The following BRCC3 variants were observed in gnomAD, a reference collection of about 807,000 sequenced individuals.
BRCC3 encodes the protein BRCA1/BRCA2-containing complex subunit 3.
Under a neutral mutation model 28.0 loss-of-function variants are expected in BRCC3, and 15 were observed. The ratio of observed to expected loss-of-function variants is 0.54; its 90% CI spans 0.36 to 0.82. BRCC3 has a LOEUF of 0.82. BRCC3 is among the 40% of genes least tolerant of loss of function. BRCC3 has a pLI of 0.01. For missense variants in BRCC3, 109 were observed against 225.9 expected, an observed-to-expected ratio of 0.48 and a Z score of 3.32; for synonymous variants, 66 against 80.3, an observed-to-expected ratio of 0.82 and a Z score of 0.95.
Position 155,072,309 on chromosome X carries a change from TG to T in BRCC3, c.124-17del, listed in dbSNP as rs782589455. The T allele has an allele frequency of 5.7e-4, 675 of 1,192,877 alleles. 3 individuals carry two copies. In the African/African-American group the frequency reaches 0.011, roughly 19 times the overall value. On this transcript the variant is annotated splice_polypyrimidine_tract_variant and intron_variant, in intron 1 of 10. Transcript: ENST00000330045. Reference sequence around the variant, plus strand: ...ACGTAATGTGATCAATAATGTTTTTTGCTTTTTCCCACTCTAGTTGAACGAT... The same window carrying T: ...ACGTAATGTGATCAATAATGTTTTTTCTTTTTCCCACTCTAGTTGAACGAT...
Position 155,118,581 on chromosome X carries a change from A to T in BRCC3, c.725-1418A>T, listed in dbSNP as rs1427833803. ...GGCTTACTTGGCTTTACAGTTTTGC[A>T]GACTGAACAAGAAGCATGGTGCTGG... On this transcript the variant is annotated intron_variant, in intron 9 of 10. Coordinates refer to ENST00000330045, the MANE Select transcript of BRCC3 (RefSeq NM_001018055.3). Among the ~76,000 whole-genome samples the T allele has an allele frequency of 2.7e-5, 3 of 112,663 alleles. No homozygotes were observed. In the East Asian group the frequency reaches 8.3e-4, roughly 31 times the overall value.
chrX:155,110,130 A>T (rs1343695306), intron 7 of BRCC3, among the ~76,000 whole-genome samples: 3 of 111,751 alleles, frequency 2.7e-5, no homozygotes, highest in Non-Finnish European at 5.7e-5. Context: ...TTTAGGAATT[A>T]TATATCTTTT....
Position 155,122,144 on chromosome X carries a change from A to G in BRCC3, c.*940A>G, listed in dbSNP as rs2074392008. On this transcript the variant is annotated 3_prime_UTR_variant, in exon 11 of 11. Coordinates refer to ENST00000330045, the MANE Select transcript of BRCC3 (RefSeq NM_001018055.3). ...CTCATCTCAAAAAAAAAAAAAGGCCACAAAACTCAACAATAAAAACAAACA... is the reference window on the plus strand; with the variant it reads ...CTCATCTCAAAAAAAAAAAAAGGCCGCAAAACTCAACAATAAAAACAAACA... 9.1e-6 allele frequency: 1 copy of G among 109,291 alleles called. No homozygotes were observed. Among genetic ancestry groups the G allele is most frequent in the African/African-American group, 3.3e-5 (1 of 30,051 alleles). The allele number at this position is 109,291 out of a possible 1,213,427, so 9.0% of individuals were successfully genotyped here. A position where few individuals can be genotyped will look rare whatever the true frequency, so the allele number is the denominator to read the frequency against.
chrX:155,085,798 G>C (rs1335901248), intron 5 of BRCC3, among the ~76,000 whole-genome samples: 1 of 111,825 alleles, frequency 8.9e-6, no homozygotes, highest in Admixed American at 9.4e-5. Flanking sequence ...CTTGAGCCTT[G>C]GGGCGGTTTA....
chrX:155,083,823 G>T (rs1349094180), intron 5 of BRCC3, among the ~76,000 whole-genome samples: 1 of 112,498 alleles, frequency 8.9e-6, no homozygotes, highest in Non-Finnish European at 1.9e-5. Flanking sequence ...ACACTGTCAG[G>T]TACTCTCTAC....
chrX:155,073,749 C>T (rs1209950357), intron 3 of BRCC3, among the ~76,000 whole-genome samples: 4 of 111,335 alleles, frequency 3.6e-5, no homozygotes, highest in Non-Finnish European at 5.7e-5. Context: ...ATCACTATTA[C>T]CTCTTTATCT....
intron 7 of BRCC3, among the ~76,000 whole-genome samples, chrX:155,100,201 C>T (rs2074238383): frequency 9.0e-6 from 1 of 111,482 alleles, no homozygotes; most frequent in African/African-American, 3.3e-5. Context: ...GTAAGTTGCA[C>T]ACATGATACC....
chrX:155,089,384 T>A (rs370260379), intron 6 of BRCC3, 33 bp downstream of exon 6: 2 of 945,610 alleles, frequency 2.1e-6, no homozygotes, highest in Non-Finnish European at 3.0e-6. Context: ...TGTGTGTGTG[T>A]GTGTGTAGGG....
chrX:155,102,951 G>A (rs184106294), intron 7 of BRCC3, among the ~76,000 whole-genome samples: 250 of 111,057 alleles, frequency 2.3e-3, no homozygotes, highest in Admixed American at 3.3e-3. Context: ...GTGTGTGTGC[G>A]TGTGTGTGTG....
intron 6 of BRCC3, among the ~76,000 whole-genome samples, chrX:155,089,889 G>T (rs1459953166): frequency 1.8e-5 from 2 of 111,808 alleles, no homozygotes. Context: ...GGTGTGGGTG[G>T]AATCCGTGGC....
At chrX:155,080,995 T>C (rs1336540696) in intron 5 of BRCC3, among the ~76,000 whole-genome samples, 1 of 111,686 alleles carries the variant, frequency 9.0e-6, no homozygotes, top group East Asian at 2.8e-4. Flanking sequence ...GGATTAACAA[T>C]GAGGACACAT....
intron 7 of BRCC3, among the ~76,000 whole-genome samples, chrX:155,096,474 G>A (rs1355603140): frequency 2.7e-5 from 3 of 111,728 alleles, no homozygotes; most frequent in Admixed American, 1.9e-4. Flanking sequence ...TTTTTCCAAG[G>A]AAGATATACA....
At chrX:155,086,375 C>G (rs1321464583) in intron 5 of BRCC3, among the ~76,000 whole-genome samples, 1 of 112,043 alleles carries the variant, frequency 8.9e-6, no homozygotes. Context: ...CTCCGTCCCT[C>G]CCTCCCTTCC....
intron 3 of BRCC3, among the ~76,000 whole-genome samples, chrX:155,075,289 T>TTG (rs1557293367): frequency 4.0e-4 from 20 of 49,977 alleles, no homozygotes; most frequent in South Asian, 8.5e-4. Flanking sequence ...AGCCCACTCT[T>TTG]TCCCCTGGCC....
rs1019996653 is a variant in BRCC3 at position 155,115,710 on chromosome X, C to T, written c.549-347C>T. Reference sequence around the variant, plus strand: ...GACTTTTGTGATTAATTTGTTCAACCTCACTGGCAACTTCTTGACTGAAGA... The same window carrying T: ...GACTTTTGTGATTAATTTGTTCAACTTCACTGGCAACTTCTTGACTGAAGA... On this transcript the variant is annotated intron_variant, in intron 7 of 10. Coordinates refer to ENST00000330045, the MANE Select transcript of BRCC3 (RefSeq NM_001018055.3). Among the ~76,000 whole-genome samples the T allele has an allele frequency of 4.5e-5, 5 of 111,867 alleles. No homozygotes were observed. In the Admixed American group the frequency reaches 4.7e-4, roughly 11 times the overall value.
At chrX:155,112,271 A>G (rs1238760131) in intron 7 of BRCC3, among the ~76,000 whole-genome samples, 1 of 111,656 alleles carries the variant, frequency 9.0e-6, no homozygotes, top group East Asian at 2.8e-4. Flanking sequence ...GAACATTAGA[A>G]CTGCAATACC....
chrX:155,078,226 A>G (rs2074060798), intron 4 of BRCC3, among the ~76,000 whole-genome samples: 1 of 112,584 alleles, frequency 8.9e-6, no homozygotes, highest in Non-Finnish European at 1.9e-5. Context: ...ACTTAGTTGT[A>G]TAAAAAGGAT....
intron 7 of BRCC3, among the ~76,000 whole-genome samples, chrX:155,111,044 C>G (rs1460263175): frequency 9.0e-6 from 1 of 111,173 alleles, no homozygotes; most frequent in Admixed American, 9.5e-5. Context: ...TCAACAGATA[C>G]AAAAGGCAAG....
chrX:155,108,285 T>C (rs782724092), intron 7 of BRCC3, among the ~76,000 whole-genome samples: 2 of 112,590 alleles, frequency 1.8e-5, no homozygotes, highest in South Asian at 7.2e-4. Context: ...TGCTGTGTAA[T>C]ATTTCATTGT....
Sources: allele counts gnomAD v4.1 joint callset (sites outside exome capture counted in the v4.1 genomes callset), GRCh38; gene constraint gnomAD v4.1.1; transcripts MANE v1.5; gene names NCBI Gene and HGNC (gene_info 2026-07-23, HGNC 2026-07-21).